Variants in BDP1 observed in about 807,000 individuals in gnomAD.
BDP1 encodes the protein BDP1 general transcription factor IIIB subunit.
BDP1 carries 169 observed loss-of-function variants against 266.6 expected under a neutral mutation model. That is an observed-to-expected ratio of 0.63 (90% CI 0.56 to 0.72). The LOEUF is 0.72. Among genes scored for constraint, BDP1 ranks in the 30% least tolerant of loss-of-function variants. The pLI is 0.00. For missense variants in BDP1, 3,015 were observed against 3,053.8 expected, an observed-to-expected ratio of 0.99 and a Z score of 0.30; for synonymous variants, 1,090 against 1,022.4, an observed-to-expected ratio of 1.07 and a Z score of -1.26.
intron 5 of BDP1, 23 bp downstream of exon 5, chr5:71,466,244 G>A: frequency 6.2e-7 from 1 of 1,613,448 alleles, no homozygotes; most frequent in Non-Finnish European, 8.5e-7. Flanking sequence ...GAGAAAAAGT[G>A]AGATTGTGGT....
At chr5:71,548,649 A>T in intron 32 of BDP1, 33 bp from the exon 33 acceptor site, 2 of 1,448,702 alleles carry the variant, frequency 1.4e-6, no homozygotes, top group Non-Finnish European at 1.9e-6. Context: ...GATTTGGCCA[A>T]CCTGACTCTT....
At chr5:71,525,396 C>CA (rs1317509037) in intron 25 of BDP1, among the ~76,000 whole-genome samples, 1 of 124,002 alleles carries the variant, frequency 8.1e-6, no homozygotes, top group Non-Finnish European at 1.7e-5. Flanking sequence ...GGGGGGCTGA[C>CA]CCCCCCACCT....
In BDP1 at chr5:71,483,838, A is replaced by G. The variant is rs1763103151; in HGVS notation, c.1015-4A>G. ...ATTACCATAGGGTTTTTTGTTGTTA[A>G]CAGAATAAATTTAAACGGGAAGAGA... On this transcript the variant is annotated splice_polypyrimidine_tract_variant and splice_region_variant and intron_variant, in intron 7 of 38. Coordinates refer to ENST00000358731, the MANE Select transcript of BDP1 (RefSeq NM_018429.3). The G allele has an allele frequency of 1.9e-6, 3 of 1,608,092 alleles. No individual in the cohort carries two copies. Among genetic ancestry groups the G allele is most frequent in the East Asian group, 4.5e-5 (2 of 44,732 alleles).
chr5:71,484,634 G>A (rs1763149015), intron 8 of BDP1, among the ~76,000 whole-genome samples: 1 of 152,064 alleles, frequency 6.6e-6, no homozygotes, highest in Admixed American at 6.6e-5. Context: ...CAAGTCTAGA[G>A]AAAGATATCA....
intron 17 of BDP1, 106 bp from the exon 18 acceptor site, chr5:71,512,135 A>C: frequency 1.8e-6 from 1 of 557,586 alleles, no homozygotes; most frequent in South Asian, 7.1e-5. Flanking sequence ...AAAACTTCTA[A>C]AGTTTTAAAG....
intron 25 of BDP1, among the ~76,000 whole-genome samples, chr5:71,529,562 G>GT (rs1766108614): frequency 6.6e-6 from 1 of 152,156 alleles, no homozygotes; most frequent in Non-Finnish European, 1.5e-5. Flanking sequence ...GTGTTGGTGC[G>GT]TATCTATAAT....
At chr5:71,460,675 C>T (rs1344433080) in intron 2 of BDP1, among the ~76,000 whole-genome samples, 3 of 152,102 alleles carry the variant, frequency 2.0e-5, no homozygotes, top group African/African-American at 7.2e-5. Context: ...AATTGTGCTA[C>T]TGCATTCCAG....
At chr5:71,533,567 A>G (rs1296568500) in intron 26 of BDP1, among the ~76,000 whole-genome samples, 1 of 151,668 alleles carries the variant, frequency 6.6e-6, no homozygotes, top group African/African-American at 2.4e-5. Flanking sequence ...CTGAGTGTAA[A>G]TGATCCTCTC....
intron 22 of BDP1, among the ~76,000 whole-genome samples, chr5:71,518,294 G>C (rs1765326108): frequency 6.6e-6 from 1 of 152,122 alleles, no homozygotes; most frequent in Non-Finnish European, 1.5e-5. Flanking sequence ...AAATATTTCA[G>C]CTTCCTTTAA....
chr5:71,456,150 A>T, intron 1 of BDP1, 61 bp downstream of exon 1: 1 of 1,490,970 alleles, frequency 6.7e-7, no homozygotes. Flanking sequence ...TGTCACCTGG[A>T]AGCTGAGCAA....
intron 7 of BDP1, among the ~76,000 whole-genome samples, chr5:71,481,087 T>C (rs1004026646): frequency 6.6e-6 from 1 of 151,502 alleles, no homozygotes; most frequent in Non-Finnish European, 1.5e-5. Context: ...GGCAGGAGAA[T>C]GGCATGAACC....
At chr5:71,516,033 C>T (rs1242678445) in intron 20 of BDP1, 28 bp from the exon 21 acceptor site, 1 of 1,544,832 alleles carries the variant, frequency 6.5e-7, no homozygotes, top group Non-Finnish European at 8.8e-7. Context: ...GTCAAGCGCC[C>T]TGCCTTTCTC....
At position 71,560,085 on chromosome 5, in the gene BDP1, A is replaced by G. The variant is rs773166913; in HGVS notation, c.7344A>G (p.Gly2448=). The change falls in exon 37 of 39, where the codon GGA becomes GGG. Residue 2448 remains glycine, a synonymous_variant. Transcript: ENST00000358731. ...TTGAAGCAGCTTTTCAGAGTAGAGG[A>G]TCTAGATCTCCTGATGCATGCATGG... ...QQVEAAFQSR[G]SRSPDACMDK... The G allele has an allele frequency of 4.5e-5, 73 of 1,613,968 alleles. No homozygotes were observed. The highest frequency in any genetic ancestry group is 5.7e-5 in the Non-Finnish European group (67 of 1,180,006).
At chr5:71,545,340 C>CTTT in intron 32 of BDP1, 121 bp downstream of exon 32, 1 of 825,110 alleles carries the variant, frequency 1.2e-6, no homozygotes, top group Non-Finnish European at 1.8e-6. Context: ...TTTATTTCTT[C>CTTT]TTTTTTTTTT....
intron 31 of BDP1, among the ~76,000 whole-genome samples, chr5:71,544,715 T>TA (rs1311337057): frequency 1.3e-5 from 2 of 151,228 alleles, no homozygotes; most frequent in Non-Finnish European, 2.9e-5. Context: ...CCGTCTCTAC[T>TA]AAAAAATACA....
rs780475722 is a variant in BDP1, at chr5:71,515,055, T to G, written c.4582T>G (p.Ser1528Ala). ...QTERNLSPSN[S>A]CEPKEESQSA... is the part of the protein sequence containing the mutation. ...TGAAAGGAACCTTTCACCTTCAAAT[T>G]CTTGTGAACCTAAAGAGGAGTCTCA... is the stretch of plus-strand genomic sequence containing the variant. The change falls in exon 20 of 39, where the codon TCT becomes GCT. Residue 1528 changes from serine to alanine, a missense_variant. Around this residue, in one of 3 missense-constraint regions of BDP1, gnomAD observed 2,383 missense variants for 2,404.9 expected, o/e 0.99. Coordinates refer to ENST00000358731, the MANE Select transcript of BDP1 (RefSeq NM_018429.3). 18 of 1,613,034 alleles carry G rather than the reference T, an allele frequency of 1.1e-5. No homozygotes were observed. The highest frequency in any genetic ancestry group is 2.2e-5 in the East Asian group (1 of 44,806).
chr5:71,470,256 A>G (rs1297406499), intron 6 of BDP1, 139 bp from the exon 7 acceptor site: 1 of 643,444 alleles, frequency 1.6e-6, no homozygotes, highest in Admixed American at 3.2e-5. Flanking sequence ...AAAAGTTTTT[A>G]TTTATAATAA....
chr5:71,490,902 T>C, intron 10 of BDP1, 82 bp from the exon 11 acceptor site: 1 of 1,293,424 alleles, frequency 7.7e-7, no homozygotes, highest in East Asian at 2.6e-5. Flanking sequence ...AGGAAAAGAG[T>C]GTTATAGGTA....
chr5:71,496,985 A>G (rs987955508), intron 12 of BDP1, among the ~76,000 whole-genome samples: 3 of 152,190 alleles, frequency 2.0e-5, no homozygotes, highest in South Asian at 2.1e-4. Context: ...GCTACCTTCA[A>G]TATATACCAA....
Sources: gnomAD v4.1 joint callset for allele counts (sites outside exome capture counted in the v4.1 genomes callset) on GRCh38, gnomAD v4.1.1 for gene constraint, gnomAD v4.1.1 regional missense constraint, MANE v1.5 for transcripts, NCBI Gene and HGNC (gene_info 2026-07-23, HGNC 2026-07-21) for gene names.